MAP4K4: variants seen among roughly 807,000 people sequenced by gnomAD.
MAP4K4 encodes the protein HPK/GCK-like kinase HGK.
MAP4K4 carries 38 observed loss-of-function variants against 189.6 expected under a neutral mutation model. The observed-to-expected ratio is 0.20, with a 90% CI of 0.15 to 0.26. The LOEUF (loss-of-function observed/expected upper bound fraction) is 0.26, where lower values mean the gene tolerates loss of function less well. Ranked by LOEUF, MAP4K4 falls within the 10% of genes least tolerant of loss-of-function variation. The pLI is 1.00. For synonymous variants in MAP4K4, 610 were observed against 624.3 expected (o/e 0.98, Z 0.34); for missense variants, 1,054 against 1,726.9 (o/e 0.61, Z 6.91).
chr2:101,887,798 C>T, exon 31 of MAP4K4: 17 of 1,611,490 alleles, frequency 1.1e-5, no homozygotes, highest in Non-Finnish European at 1.4e-5. Context: ...GCATCAAACC[C>T]CATGCAATCA....
intron 2 of MAP4K4, among the ~76,000 whole-genome samples, chr2:101,769,330 A>AG (rs2080180931): frequency 6.6e-6 from 1 of 152,192 alleles, no homozygotes; most frequent in Non-Finnish European, 1.5e-5. Flanking sequence ...CAGCAAGGTA[A>AG]GGTCCCTGGC....
intron 13 of MAP4K4, 55 bp downstream of exon 13, chr2:101,856,193 G>C: frequency 6.6e-7 from 1 of 1,515,924 alleles, no homozygotes; most frequent in Non-Finnish European, 8.9e-7. Context: ...TTACTTTGCA[G>C]AGCTGGGGGA....
chr2:101,776,068 A>C (rs1243050788), intron 2 of MAP4K4, among the ~76,000 whole-genome samples: 1 of 152,240 alleles, frequency 6.6e-6, no homozygotes, highest in African/African-American at 2.4e-5. Context: ...TTGGTGGTCC[A>C]TATAGACTGG....
chr2:101,787,116 G>T (rs534028004), intron 2 of MAP4K4, among the ~76,000 whole-genome samples: 1 of 152,138 alleles, frequency 6.6e-6, no homozygotes, highest in Admixed American at 6.5e-5. Context: ...GGAAAAAAAA[G>T]ACCCTGTTAA....
intron 5 of MAP4K4, among the ~76,000 whole-genome samples, chr2:101,826,171 A>C (rs1334243020): frequency 6.6e-6 from 1 of 152,208 alleles, no homozygotes; most frequent in Admixed American, 6.5e-5. Context: ...TTTAAAAAAA[A>C]AGATTATGAA....
chr2:101,796,157 C>A (rs112646212), intron 3 of MAP4K4, among the ~76,000 whole-genome samples: 1 of 152,168 alleles, frequency 6.6e-6, no homozygotes, highest in Non-Finnish European at 1.5e-5. Context: ...GTCCAGTGGC[C>A]TTTCCAACAT....
chr2:101,760,502 A>AT (rs1489540438), intron 2 of MAP4K4, among the ~76,000 whole-genome samples: 13 of 90,350 alleles, frequency 1.4e-4, no homozygotes, highest in African/African-American at 8.7e-4. Context: ...AAAAAAAACA[A>AT]AATATATATA....
intron 2 of MAP4K4, among the ~76,000 whole-genome samples, chr2:101,788,729 T>C (rs2092241990): frequency 1.3e-5 from 2 of 152,168 alleles, no homozygotes; most frequent in Admixed American, 6.5e-5. Context: ...AGATGCTGAG[T>C]GAATTCACAG....
rs542723464 is a variant in MAP4K4, at chr2:101,884,052, A to T, written c.3521-1135A>T. On this transcript the variant is annotated intron_variant, in intron 28 of 32. Transcript: ENST00000324219. Reference sequence around the variant, plus strand: ...ATCCTGCAGGGGGAGCAAGAGGCAGACGGGTTAAAAGTCTGTTGGGCTTTT... The same window carrying T: ...ATCCTGCAGGGGGAGCAAGAGGCAGTCGGGTTAAAAGTCTGTTGGGCTTTT... Among the ~76,000 whole-genome samples the T allele has an allele frequency of 1.2e-4, 18 of 152,354 alleles. No homozygotes were observed. The South Asian group carries it at 2.7e-3, about 23-fold the overall frequency.
chr2:101,887,653 C>T, intron 30 of MAP4K4, 125 bp from the exon 31 acceptor site: 3 of 667,912 alleles, frequency 4.5e-6, no homozygotes, highest in Non-Finnish European at 7.4e-6. Context: ...AAATGTTAAT[C>T]TAATTGCTGT....
chr2:101,844,227 G>A, exon 12 of MAP4K4: 1 of 1,596,174 alleles, frequency 6.3e-7, no homozygotes, highest in Middle Eastern at 1.7e-4. Flanking sequence ...AGCTCCGGGA[G>A]CAGGAAGAAT....
chr2:101,841,469 CT>C (rs1401236466), intron 10 of MAP4K4, among the ~76,000 whole-genome samples: 328 of 145,034 alleles, frequency 2.3e-3, no homozygotes, highest in Admixed American at 2.1e-3. Context: ...TGATTTTCAT[CT>C]TTTTTTTTTT....
chr2:101,825,522 T>C (rs1038919591), intron 5 of MAP4K4, 93 bp downstream of exon 5: 6 of 702,236 alleles, frequency 8.5e-6, no homozygotes, highest in East Asian at 5.7e-5. Context: ...GCATTACTTA[T>C]ATCTATATAG....
intron 12 of MAP4K4, among the ~76,000 whole-genome samples, chr2:101,850,705 T>G (rs1246855902): frequency 6.6e-6 from 1 of 152,254 alleles, no homozygotes. Context: ...TCAGTTGGTA[T>G]GCAGAAGGTG....
At chr2:101,742,850 C>A (rs1469865868) in intron 2 of MAP4K4, among the ~76,000 whole-genome samples, 1 of 152,126 alleles carries the variant, frequency 6.6e-6, no homozygotes, top group Non-Finnish European at 1.5e-5. Context: ...CAATAACTAG[C>A]TCTACCTTTC....
chr2:101,785,935 G>C (rs78366876), intron 2 of MAP4K4, among the ~76,000 whole-genome samples: 2 of 151,734 alleles, frequency 1.3e-5, no homozygotes, highest in Non-Finnish European at 2.9e-5. Context: ...AGTGATTCTC[G>C]TGTCTCAGCC....
intron 3 of MAP4K4, among the ~76,000 whole-genome samples, chr2:101,803,296 TGTC>T (rs2094569092): frequency 7.0e-6 from 1 of 142,402 alleles, no homozygotes; most frequent in African/African-American, 3.1e-5. Flanking sequence ...TGTGTGTGTC[TGTC>T]TGTGTCTGTG....
chr2:101,769,333 TCC>T (rs2080186512), intron 2 of MAP4K4, among the ~76,000 whole-genome samples: 1 of 152,148 alleles, frequency 6.6e-6, no homozygotes, highest in Non-Finnish European at 1.5e-5. Context: ...CAAGGTAAGG[TCC>T]CTGGCCTCCT....
intron 24 of MAP4K4, 78 bp from the exon 25 acceptor site, chr2:101,873,569 A>G: frequency 1.3e-6 from 1 of 769,746 alleles, no homozygotes; most frequent in Non-Finnish European, 2.2e-6. Flanking sequence ...GCAATATAGA[A>G]GTGAATTGAA....
Sources: allele counts gnomAD v4.1 joint callset (sites outside exome capture counted in the v4.1 genomes callset), GRCh38; gene constraint gnomAD v4.1.1; transcripts MANE v1.5; gene names NCBI Gene and HGNC (gene_info 2026-07-23, HGNC 2026-07-21).